The following ECHDC2 variants were observed in gnomAD, a reference collection of about 807,000 sequenced individuals.
ECHDC2 encodes the protein enoyl-CoA hydratase domain-containing protein 2, mitochondrial.
A neutral mutation model predicts 40.6 loss-of-function variants in ECHDC2; 34 were observed. That is an observed-to-expected ratio of 0.84 (90% CI 0.64 to 1.11). The LOEUF is 1.11. Ranked by LOEUF, ECHDC2 falls within the 50% of genes most tolerant of loss-of-function variation. The pLI is 0.00. For synonymous variants in ECHDC2, 162 were observed against 166.6 expected, an observed-to-expected ratio of 0.97 and a Z score of 0.21; for missense variants, 392 against 400.7, an observed-to-expected ratio of 0.98 and a Z score of 0.19.
chr1:52,919,631 C>G (rs1374757230), intron 1 of ECHDC2, among the ~76,000 whole-genome samples: 1 of 152,236 alleles, frequency 6.6e-6, no homozygotes, highest in Non-Finnish European at 1.5e-5. Context: ...TGGTTTACCA[C>G]CCAACCTCAA....
rs749425065 is a variant in ECHDC2 at position 52,904,846 on chromosome 1, A to C, written c.515-13T>G. 6.2e-7 allele frequency: 1 copy of C among 1,608,960 alleles called. No homozygotes were observed. The highest frequency in any genetic ancestry group is 8.5e-7 in the Non-Finnish European group (1 of 1,177,094). On this transcript the variant is annotated splice_polypyrimidine_tract_variant and intron_variant, in intron 6 of 9. Transcript: ENST00000371522. ...CTCTGAGTCCCTCCTACCAGGATGG[A>C]GGGAGCAGGGTGGGAATCAGCATGG...
chr1:52,917,310 G>T lies in ECHDC2; in HGVS notation c.121+4243C>A, dbSNP rs554164145. On this transcript the variant is annotated intron_variant, in intron 1 of 9. Transcript: ENST00000371522. ...TTACTATACAGAAGAGGAAACTGAC[G>T]CCCGGAAACAAGGAGGATTTGCTCA... Among the ~76,000 whole-genome samples, 6 of 151,948 alleles carry T rather than the reference G, an allele frequency of 3.9e-5. No individual in the cohort carries two copies. In the South Asian group the frequency reaches 1.3e-3, roughly 32 times the overall value.
chr1:52,913,933 T>C (rs1185423819), intron 1 of ECHDC2: 4 of 1,166,928 alleles, frequency 3.4e-6, no homozygotes, highest in Middle Eastern at 5.2e-4. Context: ...ACTGCTTCTC[T>C]TCTGCCCAAT....
intron 7 of ECHDC2, chr1:52,902,012 A>G (rs981528983): frequency 7.6e-6 from 1 of 131,858 alleles, no homozygotes; most frequent in African/African-American, 3.2e-5. Flanking sequence ...CTCTTCATTT[A>G]TATATGATGA....
Position 52,914,872 on chromosome 1 carries a change from G to GA in ECHDC2, c.122-3083_122-3082insT, listed in dbSNP as rs1650327031. Among the ~76,000 whole-genome samples the GA allele has an allele frequency of 1.3e-5, 2 of 152,010 alleles. No homozygotes were observed. The highest frequency in any genetic ancestry group is 2.9e-5 in the Non-Finnish European group (2 of 67,998). On this transcript the variant is annotated intron_variant, in intron 1 of 9. Coordinates refer to ENST00000371522, the MANE Select transcript of ECHDC2 (RefSeq NM_001198961.2). This position sits in a 1 kb window ranked among gnomAD's most constrained non-coding sequence, Gnocchi z 4.0. ...CCTGCATCCCTCGGATCACCCACCT[G>GA]GCCCTCGAGTCCTCAGTCTTGCTCC...
At chr1:52,905,869 A>G (rs967095366) in intron 5 of ECHDC2, 3 of 201,474 alleles carry the variant, frequency 1.5e-5, no homozygotes, top group African/African-American at 7.1e-5. Flanking sequence ...CATTGTGTAG[A>G]CAGAAGCTAC....
chr1:52,917,164 G>A (rs918143029), intron 1 of ECHDC2, among the ~76,000 whole-genome samples: 1 of 151,714 alleles, frequency 6.6e-6, no homozygotes, highest in Non-Finnish European at 1.5e-5. Flanking sequence ...AGAGGCTGCA[G>A]TGGGCCGAGA....
At chr1:52,918,125 G>A (rs946001109) in intron 1 of ECHDC2, among the ~76,000 whole-genome samples, 6 of 152,140 alleles carry the variant, frequency 3.9e-5, no homozygotes, top group Non-Finnish European at 8.8e-5. Context: ...CCCGGCTCAA[G>A]CCATCCTCCC....
chr1:52,903,240 G>A (rs1647102735), intron 7 of ECHDC2, among the ~76,000 whole-genome samples: 1 of 152,048 alleles, frequency 6.6e-6, no homozygotes, highest in Admixed American at 6.6e-5. Flanking sequence ...ATGCTGAGAG[G>A]TTATTGTTTG....
At chr1:52,900,116 C>T (rs1434821511) in intron 7 of ECHDC2, 2 of 151,966 alleles carry the variant, frequency 1.3e-5, no homozygotes, top group Non-Finnish European at 2.9e-5. Context: ...AAAGGTCCAC[C>T]GGAAAAGAAG....
chr1:52,905,155 G>A, intron 5 of ECHDC2, 65 bp from the exon 6 acceptor site: 1 of 1,558,234 alleles, frequency 6.4e-7, no homozygotes. Flanking sequence ...AATCCCGGGG[G>A]CCACAGCTGC....
intron 9 of ECHDC2, chr1:52,896,971 C>T (rs1485768872): frequency 3.4e-6 from 1 of 293,064 alleles, no homozygotes; most frequent in Non-Finnish European, 6.4e-6. Context: ...GTCCCAGGAC[C>T]CCTTAGGAGT....
chr1:52,913,845 G>T, intron 1 of ECHDC2: 1 of 881,654 alleles, frequency 1.1e-6, no homozygotes, highest in Non-Finnish European at 1.4e-6. Context: ...GATGCATAAT[G>T]ACACGTATCT....
rs1650835842 is a variant in ECHDC2, at chr1:52,917,052, G to A, written c.121+4501C>T. 2.0e-5 allele frequency among the ~76,000 whole-genome samples: 3 copies of A among 152,110 alleles called. No homozygotes were observed. The South Asian group carries it at 6.2e-4, about 32-fold the overall frequency. On this transcript the variant is annotated intron_variant, in intron 1 of 9. Coordinates refer to ENST00000371522, the MANE Select transcript of ECHDC2 (RefSeq NM_001198961.2). ...AGCCTGACCAACATGGTGAAACCCC[G>A]TCTTTACTAAAAAGACAAAAATTAG...
intron 7 of ECHDC2, among the ~76,000 whole-genome samples, chr1:52,903,824 T>TC (rs201700167): frequency 6.6e-4 from 93 of 141,810 alleles, no homozygotes; most frequent in East Asian, 1.4e-3. Context: ...TTTCTTTCTT[T>TC]TTTTTTTTTT....
rs544758851 is a variant in ECHDC2, at chr1:52,905,049, G to C, written c.499C>G (p.Leu167Val). The C allele has an allele frequency of 6.2e-7, 1 of 1,614,206 alleles. No individual in the cohort carries two copies. The highest frequency in any genetic ancestry group is 1.3e-5 in the African/African-American group (1 of 75,046). The change falls in exon 6 of 10, where the codon CTC becomes GTC. Residue 167 changes from leucine (L) to valine (V), a missense_variant. Leu to Val is a conservative substitution (Grantham distance 32, BLOSUM62 1). Coordinates refer to ENST00000371522, the MANE Select transcript of ECHDC2 (RefSeq NM_001198961.2). ...TTGCGATTACCTGCCCCCGGGAGGA[G>C]CCCTCGCGTGGTCTCAATCAGTCCC... Reference protein sequence around the residue: ...VMGLIETTRGLLPGAGGTQRL... With the variant: ...VMGLIETTRGVLPGAGGTQRL...
At chr1:52,917,171 G>A (rs1391035024) in intron 1 of ECHDC2, among the ~76,000 whole-genome samples, 2 of 151,160 alleles carry the variant, frequency 1.3e-5, no homozygotes, top group African/African-American at 4.9e-5. Flanking sequence ...GCAGTGGGCC[G>A]AGATCACGCC....
rs777215452 is a variant in ECHDC2, at chr1:52,897,491, G to T, written c.754-7C>A. On this transcript the variant is annotated splice_polypyrimidine_tract_variant and splice_region_variant and intron_variant, in intron 8 of 9. Transcript: ENST00000371522. Reference sequence around the variant, plus strand: ...TCCCAGATGCAATGTCCACCTGCAAGAAAGACGTGCTCCCTGGATTGGTCT... The same window carrying T: ...TCCCAGATGCAATGTCCACCTGCAATAAAGACGTGCTCCCTGGATTGGTCT... 17 of 1,614,060 alleles carry T rather than the reference G, an allele frequency of 1.1e-5. No homozygotes were observed. The highest frequency in any genetic ancestry group is 1.7e-5 in the Admixed American group (1 of 60,006).
At chr1:52,919,311 A>T (rs1436048543) in intron 1 of ECHDC2, among the ~76,000 whole-genome samples, 1 of 152,178 alleles carries the variant, frequency 6.6e-6, no homozygotes, top group East Asian at 1.9e-4. Flanking sequence ...TGTACTATTT[A>T]AAAAATCTTT....
Sources: gnomAD v4.1 joint callset for allele counts (sites outside exome capture counted in the v4.1 genomes callset) on GRCh38, gnomAD v4.1.1 for gene constraint, Gnocchi (gnomAD v3.1) non-coding constraint, MANE v1.5 for transcripts, NCBI Gene and HGNC (gene_info 2026-07-23, HGNC 2026-07-21) for gene names.